The following TAOK1 variants were observed in gnomAD, a reference collection of about 807,000 sequenced individuals.
TAOK1 encodes the protein serine/threonine-protein kinase TAO1.
In TAOK1, 21 loss-of-function variants were observed where a neutral mutation model predicts 138.3. That is an observed-to-expected ratio of 0.15 (90% CI 0.11 to 0.22). TAOK1 has a LOEUF of 0.22. Ranked by LOEUF, TAOK1 falls within the 10% of genes least tolerant of loss-of-function variation. TAOK1 has a pLI of 1.00. For missense variants in TAOK1, 651 were observed against 1,227.7 expected (o/e 0.53, Z 7.02); for synonymous variants, 361 against 398.4 (o/e 0.91, Z 1.12).
intron 1 of TAOK1, among the ~76,000 whole-genome samples, chr17:29,396,981 ACT>A (rs1434305897): frequency 3.4e-5 from 4 of 116,510 alleles, no homozygotes; most frequent in Non-Finnish European, 5.2e-5. Flanking sequence ...ACAGAGTACA[ACT>A]CTGTCTCAAA....
chr17:29,532,655 G>A (rs1186547245), intron 18 of TAOK1, among the ~76,000 whole-genome samples: 1 of 152,150 alleles, frequency 6.6e-6, no homozygotes, highest in Non-Finnish European at 1.5e-5. Context: ...AGAGTACCGG[G>A]TTGGGGGTAA....
chr17:29,427,506 G>A (rs1187510689), intron 1 of TAOK1, among the ~76,000 whole-genome samples: 5 of 150,216 alleles, frequency 3.3e-5, no homozygotes, highest in Non-Finnish European at 5.9e-5. Context: ...TGACACAGGG[G>A]GATCGCTTTG....
intron 2 of TAOK1, among the ~76,000 whole-genome samples, chr17:29,453,702 G>A (rs1218040837): frequency 4.0e-5 from 6 of 151,636 alleles, no homozygotes; most frequent in African/African-American, 1.2e-4. Flanking sequence ...TCAACCTCTC[G>A]AGTAGCTGGG....
At position 29,390,889 on chromosome 17, in the gene TAOK1, G is replaced by A. The variant is rs2153019071; in HGVS notation, c.-230G>A. The A allele has an allele frequency of 6.6e-6, 1 of 152,316 alleles. No individual in the cohort carries two copies. The highest frequency in any genetic ancestry group is 2.0e-4 in the East Asian group (1 of 5,128). 9.4% of individuals were successfully genotyped at this position (152,316 alleles called of 1,614,324 possible). A position where few individuals can be genotyped will look rare whatever the true frequency, so the allele number is the denominator to read the frequency against. On this transcript the variant is annotated 5_prime_UTR_variant, in exon 1 of 20. Transcript: ENST00000261716. ...GAGCTTGGGCTGGGCGGCTTGCTGG[G>A]GCTCGGGGGTGGGGGGCGGCGATCT...
chr17:29,423,294 AC>A (rs1397769314), intron 1 of TAOK1, among the ~76,000 whole-genome samples: 3 of 146,198 alleles, frequency 2.1e-5, no homozygotes, highest in Non-Finnish European at 4.5e-5. Flanking sequence ...ATCTTGGCTC[AC>A]TGCAAGCTCC....
At chr17:29,401,447 A>G (rs1431547739) in intron 1 of TAOK1, among the ~76,000 whole-genome samples, 1 of 152,112 alleles carries the variant, frequency 6.6e-6, no homozygotes, top group African/African-American at 2.4e-5. Context: ...GTGTGTGGAC[A>G]CGCAAGCGAG....
chr17:29,503,902 G>A (rs1177645726), intron 13 of TAOK1, among the ~76,000 whole-genome samples: 4 of 152,110 alleles, frequency 2.6e-5, no homozygotes, highest in African/African-American at 4.8e-5. Context: ...ACTGAGGTCA[G>A]GAGTTCAAGA....
intron 1 of TAOK1, among the ~76,000 whole-genome samples, chr17:29,409,149 G>A (rs561733074): frequency 5.3e-5 from 8 of 151,844 alleles, no homozygotes; most frequent in Middle Eastern, 3.4e-3. Flanking sequence ...TATGTTGCGT[G>A]TTTCATTAGT....
intron 2 of TAOK1, among the ~76,000 whole-genome samples, chr17:29,457,016 A>C (rs1299052408): frequency 6.0e-5 from 9 of 149,072 alleles, no homozygotes; most frequent in Admixed American, 2.0e-4. Flanking sequence ...TACAGGCGTG[A>C]GCCACAGCAT....
chr17:29,444,484 G>A (rs1250659527), intron 1 of TAOK1, among the ~76,000 whole-genome samples: 4 of 152,090 alleles, frequency 2.6e-5, no homozygotes, highest in African/African-American at 9.7e-5. Context: ...GTATTTCAGG[G>A]TTGTCTTTTG....
Position 29,550,767 on chromosome 17 carries a change from T to A in TAOK1, c.*7745T>A, listed in dbSNP as rs1376112456. ...TTTAGTTTTATGTACTCATTTCCCT[T>A]TGTTTTCCTCAAACAGCATGATTTT... On this transcript the variant is annotated 3_prime_UTR_variant, in exon 20 of 20. Transcript: ENST00000261716. 1.3e-5 allele frequency: 2 copies of A among 152,454 alleles called. No individual in the cohort carries two copies. Among genetic ancestry groups the A allele is most frequent in the South Asian group, 2.1e-4 (1 of 4,834 alleles). 9.4% of individuals were successfully genotyped at this position (152,454 alleles called of 1,614,324 possible). A position where few individuals can be genotyped will look rare whatever the true frequency, so the allele number is the denominator to read the frequency against.
intron 2 of TAOK1, among the ~76,000 whole-genome samples, chr17:29,463,298 G>A (rs150253417): frequency 1.3e-5 from 2 of 152,212 alleles, no homozygotes; most frequent in East Asian, 1.9e-4. Context: ...GGCCAGGCAC[G>A]GTGGGTCATG....
Position 29,547,837 on chromosome 17 carries a change from A to G in TAOK1, c.*4815A>G. On this transcript the variant is annotated 3_prime_UTR_variant, in exon 20 of 20. Coordinates refer to ENST00000261716, the MANE Select transcript of TAOK1 (RefSeq NM_020791.4). ...TAAGAACTGGAAATTTCCCATCCTC[A>G]GATCCCTTAAAGGATGAAGAGTTGG... 1 of 152,128 alleles carries G rather than the reference A, an allele frequency of 6.6e-6. No homozygotes were observed. The highest frequency in any genetic ancestry group is 1.5e-5 in the Non-Finnish European group (1 of 67,996). The allele number at this position is 152,128 out of a possible 1,614,324, so 9.4% of individuals were successfully genotyped here.
chr17:29,492,575 G>A (rs1484398881), intron 10 of TAOK1, among the ~76,000 whole-genome samples: 3 of 148,604 alleles, frequency 2.0e-5, no homozygotes, highest in South Asian at 2.1e-4. Context: ...GGCCGATCGC[G>A]AAGTCAGGAG....
intron 4 of TAOK1, among the ~76,000 whole-genome samples, chr17:29,477,257 C>G (rs2030964328): frequency 6.6e-6 from 1 of 152,080 alleles, no homozygotes; most frequent in Non-Finnish European, 1.5e-5. Context: ...ACACAGTTTT[C>G]TGTCTTCTAA....
intron 13 of TAOK1, 37 bp downstream of exon 13, chr17:29,502,760 T>C (rs1430079556): frequency 1.3e-6 from 2 of 1,594,366 alleles, no homozygotes; most frequent in Middle Eastern, 1.7e-4. Context: ...AATATATTTT[T>C]CATGTGGGAC....
rs2032467484 is a variant in TAOK1, at chr17:29,550,251, T to G, written c.*7229T>G. The G allele has an allele frequency of 6.6e-6, 1 of 152,220 alleles. No homozygotes were observed. The highest frequency in any genetic ancestry group is 2.1e-4 in the South Asian group (1 of 4,836). The allele number at this position is 152,220 out of a possible 1,614,324, so 9.4% of individuals were successfully genotyped here. A position where few individuals can be genotyped will look rare whatever the true frequency, so the allele number is the denominator to read the frequency against. On this transcript the variant is annotated 3_prime_UTR_variant, in exon 20 of 20. Transcript: ENST00000261716. ...GTTTTGTTATTTTTTAGGGAACTCT[T>G]TTGCAAAAGCAATGGTCGGATGTAA...
chr17:29,544,763 T>C lies in TAOK1; in HGVS notation c.*1741T>C, dbSNP rs544137489. 1.3e-5 allele frequency: 2 copies of C among 152,346 alleles called. No homozygotes were observed. Among genetic ancestry groups the C allele is most frequent in the African/African-American group, 2.4e-5 (1 of 41,574 alleles). 9.4% of individuals were successfully genotyped at this position (152,346 alleles called of 1,614,324 possible). On this transcript the variant is annotated 3_prime_UTR_variant, in exon 20 of 20. Coordinates refer to ENST00000261716, the MANE Select transcript of TAOK1 (RefSeq NM_020791.4). ...AGTTATTGTCCTGCTCCCTTCCAAGTTGTCTTGAAGAATCCTTGCTGCTAA... is the reference window on the plus strand; with the variant it reads ...AGTTATTGTCCTGCTCCCTTCCAAGCTGTCTTGAAGAATCCTTGCTGCTAA...
chr17:29,477,624 T>C lies in TAOK1; in HGVS notation c.307-37T>C, dbSNP rs559455624. The C allele has an allele frequency of 4.0e-5, 45 of 1,116,576 alleles. No homozygotes were observed. The East Asian group carries it at 1.1e-3, about 29-fold the overall frequency. The allele number at this position is 1,116,576 out of a possible 1,614,324, so 69.2% of individuals were successfully genotyped here. A position where few individuals can be genotyped will look rare whatever the true frequency, so the allele number is the denominator to read the frequency against. On this transcript the variant is annotated intron_variant, in intron 4 of 19. Coordinates refer to ENST00000261716, the MANE Select transcript of TAOK1 (RefSeq NM_020791.4). Reference sequence around the variant, plus strand: ...TTAAATTTATATTAAATCTTTATAATAATATATTTTAATGCTTTTATAACT... The same window carrying C: ...TTAAATTTATATTAAATCTTTATAACAATATATTTTAATGCTTTTATAACT...
Sources: allele counts gnomAD v4.1 joint callset (sites outside exome capture counted in the v4.1 genomes callset), GRCh38; gene constraint gnomAD v4.1.1; transcripts MANE v1.5; gene names NCBI Gene and HGNC (gene_info 2026-07-23, HGNC 2026-07-21).